Variants in TMEM161B observed in about 807,000 individuals in gnomAD.
The protein encoded by TMEM161B is transmembrane protein 161B.
In TMEM161B, 34 loss-of-function variants were observed where a neutral mutation model predicts 61.8. That is an observed-to-expected ratio of 0.55 (90% CI 0.42 to 0.73). TMEM161B has a LOEUF of 0.73. TMEM161B is among the 30% of genes least tolerant of loss of function. The pLI is 0.00. For missense variants in TMEM161B, 456 were observed against 558.5 expected (o/e 0.82, Z 1.85); for synonymous variants, 167 against 192.8 (o/e 0.87, Z 1.11).
chr5:88,264,937 G>A (rs1398946404), intron 1 of TMEM161B, among the ~76,000 whole-genome samples: 1 of 151,736 alleles, frequency 6.6e-6, no homozygotes, highest in Non-Finnish European at 1.5e-5. Context: ...CTGTCAGGGG[G>A]TGGGGGGCAA....
In TMEM161B at chr5:88,205,930, G is replaced by T. The variant is rs1219216967; in HGVS notation, c.684C>A (p.Phe228Leu). The T allele has an allele frequency of 6.2e-7, 1 of 1,610,524 alleles. No homozygotes were observed. The highest frequency in any genetic ancestry group is 8.5e-7 in the Non-Finnish European group (1 of 1,178,318). The change falls in exon 8 of 12, where the codon TTC (phenylalanine) becomes TTA (leucine). Residue 228 changes from phenylalanine to leucine, a missense_variant. Phe to Leu is a conservative substitution (Grantham distance 22, BLOSUM62 0). Around this residue, in one of 3 missense-constraint regions of TMEM161B, gnomAD observed 367 missense variants for 427.3 expected, o/e 0.86. Coordinates refer to ENST00000296595, the MANE Select transcript of TMEM161B (RefSeq NM_153354.5). Reference sequence around the variant, plus strand: ...AACAGAAAATAGCCAGGAAAAATTTGAAAGTAAGTTTTGAAACAGGACTCC... The same window carrying T: ...AACAGAAAATAGCCAGGAAAAATTTTAAAGTAAGTTTTGAAACAGGACTCC... ...ESQSPVSKLT[F>L]KFFLAIFCSF...
chr5:88,195,044 A>G, downstream of TMEM161B: 3 of 609,290 alleles, frequency 4.9e-6, no homozygotes, highest in Non-Finnish European at 4.1e-6. Flanking sequence ...AGTCCTATTT[A>G]ACAAAGGCAT....
chr5:88,220,418 A>T, intron 5 of TMEM161B, 145 bp downstream of exon 5: 2 of 715,808 alleles, frequency 2.8e-6, no homozygotes, highest in South Asian at 5.3e-5. Context: ...TACCTCTATT[A>T]CTTTGAAAAA....
In TMEM161B at chr5:88,195,274, A is replaced by G; in HGVS notation, c.*937T>C. The G allele has an allele frequency of 1.1e-6, 1 of 930,612 alleles. No homozygotes were observed. The allele number at this position is 930,612 out of a possible 1,614,324, so 57.6% of individuals were successfully genotyped here. ...AAATTTCTAGATACAAATACATCTC[A>G]TTCAAGTCACTTTTTAACATACATT... On this transcript the variant is annotated 3_prime_UTR_variant, in exon 12 of 12. Coordinates refer to ENST00000296595, the MANE Select transcript of TMEM161B (RefSeq NM_153354.5).
intron 1 of TMEM161B, among the ~76,000 whole-genome samples, chr5:88,252,038 T>A (rs912030706): frequency 6.6e-5 from 10 of 152,274 alleles, no homozygotes; most frequent in Admixed American, 1.3e-4. Context: ...TAACAATAAA[T>A]ATACATATTA....
chr5:88,205,372 T>C (rs969223864), intron 8 of TMEM161B, among the ~76,000 whole-genome samples: 2 of 152,076 alleles, frequency 1.3e-5, no homozygotes, highest in African/African-American at 4.8e-5. Context: ...CAAACACCTC[T>C]TACATACAAC....
intron 2 of TMEM161B, among the ~76,000 whole-genome samples, chr5:88,232,218 T>C (rs1561378751): frequency 6.6e-6 from 1 of 152,178 alleles, no homozygotes; most frequent in Non-Finnish European, 1.5e-5. Context: ...AGGCAGACTG[T>C]TGCCTTGTTA....
chr5:88,228,457 G>GT lies in TMEM161B; in HGVS notation c.178dup (p.Thr60AsnfsTer5). On this transcript the variant is annotated frameshift_variant, in exon 3 of 12. Transcript: ENST00000296595. LOFTEE classifies it high-confidence loss of function. Reference sequence around the variant, plus strand: ...CAATAAAACTTACCTATCTTTTTTGGTTTTCCCTTTTTGTTGTTTCCCTGC... The same window carrying GT: ...CAATAAAACTTACCTATCTTTTTTGGTTTTTCCCTTTTTGTTGTTTCCCTGC... The GT allele has an allele frequency of 6.2e-7, 1 of 1,602,464 alleles. No individual in the cohort carries two copies. Among genetic ancestry groups the GT allele is most frequent in the Non-Finnish European group, 8.5e-7 (1 of 1,175,204 alleles).
Position 88,229,734 on chromosome 5 carries a change from A to C in TMEM161B, c.108-1206T>G, listed in dbSNP as rs566553323. On this transcript the variant is annotated intron_variant, in intron 2 of 11. Coordinates refer to ENST00000296595, the MANE Select transcript of TMEM161B (RefSeq NM_153354.5). ...AAAAATCTAGATTTTTTAAATTTGA[A>C]ATTTCCCAATTGCTGTTCCCCCCGT... is the stretch of plus-strand genomic sequence containing the variant. Among the ~76,000 whole-genome samples the C allele has an allele frequency of 1.0e-4, 15 of 149,946 alleles. No individual in the cohort carries two copies. The South Asian group carries it at 2.6e-3, about 26-fold the overall frequency.
At chr5:88,244,414 T>G (rs1326258568) in intron 1 of TMEM161B, among the ~76,000 whole-genome samples, 1 of 151,908 alleles carries the variant, frequency 6.6e-6, no homozygotes, top group Non-Finnish European at 1.5e-5. Context: ...TGCTTGTTTT[T>G]GTTGATTTTG....
intron 1 of TMEM161B, among the ~76,000 whole-genome samples, chr5:88,253,592 C>T (rs1394139053): frequency 3.9e-5 from 6 of 152,112 alleles, no homozygotes. Context: ...ATGGGTTGCA[C>T]ACAATGGATT....
intron 5 of TMEM161B, among the ~76,000 whole-genome samples, chr5:88,212,942 A>AAC (rs1747104196): frequency 6.6e-6 from 1 of 152,256 alleles, no homozygotes; most frequent in Non-Finnish European, 1.5e-5. Context: ...AAAAACTTTC[A>AAC]CAAATTTATG....
chr5:88,228,319 T>G, intron 3 of TMEM161B, 126 bp downstream of exon 3: 2 of 700,624 alleles, frequency 2.9e-6, no homozygotes, highest in South Asian at 3.8e-5. Flanking sequence ...TTTTCATGGG[T>G]TTTGATCTCA....
intron 5 of TMEM161B, among the ~76,000 whole-genome samples, chr5:88,209,580 A>G (rs1746272640): frequency 6.6e-6 from 1 of 152,300 alleles, no homozygotes. Flanking sequence ...ACTTATCACT[A>G]ATACTTTACA....
chr5:88,198,494 GA>G (rs1312036099), intron 10 of TMEM161B: 2 of 152,046 alleles, frequency 1.3e-5, no homozygotes, highest in East Asian at 3.9e-4. Flanking sequence ...CTTAAAAAAA[GA>G]ATGAGGTTAT....
At chr5:88,265,014 TA>T (rs1175974008) in intron 1 of TMEM161B, among the ~76,000 whole-genome samples, 1 of 152,088 alleles carries the variant, frequency 6.6e-6, no homozygotes, top group Non-Finnish European at 1.5e-5. Flanking sequence ...GATGGGTTGA[TA>T]AATCCAGCAA....
chr5:88,225,162 T>A (rs942720766), intron 4 of TMEM161B, among the ~76,000 whole-genome samples: 20 of 152,000 alleles, frequency 1.3e-4, no homozygotes, highest in African/African-American at 4.6e-4. Context: ...AGAGACGGGG[T>A]TTCACCACAT....
At position 88,198,921 on chromosome 5, in the gene TMEM161B, T is replaced by C. The variant is rs1750173964; in HGVS notation, c.1089+55A>G. On this transcript the variant is annotated intron_variant, in intron 10 of 11. Transcript: ENST00000296595. ...TACTAAAGGAAACCAATTTTTTTTT[T>C]TTTTTACAGTGCGGTTTTTGCTATT... is the stretch of plus-strand genomic sequence containing the variant. 4 of 1,503,044 alleles carry C rather than the reference T, an allele frequency of 2.7e-6. No individual in the cohort carries two copies. In the African/African-American group the frequency reaches 5.6e-5, roughly 21 times the overall value. The allele number at this position is 1,503,044 out of a possible 1,614,324, so 93.1% of individuals were successfully genotyped here. A position where few individuals can be genotyped will look rare whatever the true frequency, so the allele number is the denominator to read the frequency against.
chr5:88,220,067 T>C (rs900282941), intron 5 of TMEM161B, among the ~76,000 whole-genome samples: 1 of 152,062 alleles, frequency 6.6e-6, no homozygotes, highest in Non-Finnish European at 1.5e-5. Context: ...GTTTCCACAA[T>C]TATAAAAATA....
Sources: gnomAD v4.1 joint callset for allele counts (sites outside exome capture counted in the v4.1 genomes callset) on GRCh38, gnomAD v4.1.1 for gene constraint, gnomAD v4.1.1 regional missense constraint, MANE v1.5 for transcripts, NCBI Gene and HGNC (gene_info 2026-07-23, HGNC 2026-07-21) for gene names.